Variants in ROBO2 observed in about 807,000 individuals in gnomAD.
ROBO2 encodes roundabout guidance receptor 2.
Under a neutral mutation model 160.8 loss-of-function variants are expected in ROBO2, and 53 were observed. The ratio of observed to expected loss-of-function variants is 0.33; its 90% CI spans 0.26 to 0.41. ROBO2 has a LOEUF of 0.41. Ranked by LOEUF, ROBO2 falls within the 10% of genes least tolerant of loss-of-function variation. The probability of loss-of-function intolerance (pLI) is 1.00; values close to 1 mark genes in which losing one functional copy is unlikely to be tolerated. For synonymous variants in ROBO2, 664 were observed against 611.7 expected (o/e 1.09, Z -1.26); for missense variants, 1,577 against 1,722.4 (o/e 0.92, Z 1.49).
At chr3:77,027,501 T>C (rs1010477265) in intron 2 of ROBO2, among the ~76,000 whole-genome samples, 3 of 152,204 alleles carry the variant, frequency 2.0e-5, no homozygotes. Flanking sequence ...AATTGGGCAA[T>C]CAATGTAAAA....
At chr3:76,948,922 T>A (rs1432440753) in intron 2 of ROBO2, among the ~76,000 whole-genome samples, 2 of 123,378 alleles carry the variant, frequency 1.6e-5, no homozygotes, top group African/African-American at 7.0e-5. Flanking sequence ...TTTTTTTTTT[T>A]TTTTTTTTAG....
chr3:77,642,229 G>C (rs1165826555), intron 24 of ROBO2, among the ~76,000 whole-genome samples: 2 of 152,144 alleles, frequency 1.3e-5, no homozygotes, highest in Admixed American at 1.3e-4. Context: ...AATTTCCCGA[G>C]GGTGACATTC....
intron 2 of ROBO2, among the ~76,000 whole-genome samples, chr3:76,921,210 G>A (rs1379174121): frequency 6.6e-6 from 1 of 152,102 alleles, no homozygotes; most frequent in Non-Finnish European, 1.5e-5. Context: ...GATTTAGGAT[G>A]TATTACAGTT....
At chr3:76,179,868 G>A (rs1181937975) in intron 2 of ROBO2, among the ~76,000 whole-genome samples, 1 of 152,084 alleles carries the variant, frequency 6.6e-6, no homozygotes, top group Admixed American at 6.6e-5. Context: ...TTATAAAGTG[G>A]TGACTTCCAA....
At chr3:77,515,234 C>T (rs996946476) in intron 5 of ROBO2, among the ~76,000 whole-genome samples, 2 of 151,604 alleles carry the variant, frequency 1.3e-5, no homozygotes, top group South Asian at 2.1e-4. Context: ...TTGAGTCTTC[C>T]GGGATTTTTG....
intron 2 of ROBO2, among the ~76,000 whole-genome samples, chr3:76,634,371 C>A (rs1488188415): frequency 6.6e-6 from 1 of 152,100 alleles, no homozygotes; most frequent in African/African-American, 2.4e-5. Flanking sequence ...AGTTCCAGAC[C>A]AGCCTGGCCA....
chr3:77,016,392 A>G (rs908921435), intron 2 of ROBO2, among the ~76,000 whole-genome samples: 1 of 152,162 alleles, frequency 6.6e-6, no homozygotes, highest in African/African-American at 2.4e-5. Context: ...CCATTAAAGA[A>G]CAAAAACAAA....
At chr3:76,999,047 G>T (rs2061191235) in intron 2 of ROBO2, among the ~76,000 whole-genome samples, 1 of 151,950 alleles carries the variant, frequency 6.6e-6, no homozygotes, top group Non-Finnish European at 1.5e-5. Flanking sequence ...TCCCAAATTA[G>T]TCCAAATCCA....
chr3:76,990,817 T>A (rs369505828), intron 2 of ROBO2, among the ~76,000 whole-genome samples: 12 of 152,138 alleles, frequency 7.9e-5, no homozygotes, highest in African/African-American at 2.9e-4. Context: ...TGAGTTTAAC[T>A]GGTATGTGAC....
At chr3:77,605,248 C>A (rs2094504603) in intron 20 of ROBO2, among the ~76,000 whole-genome samples, 1 of 151,068 alleles carries the variant, frequency 6.6e-6, no homozygotes, top group Non-Finnish European at 1.5e-5. Flanking sequence ...ATATGTAAGT[C>A]ATTAAAATAT....
intron 16 of ROBO2, among the ~76,000 whole-genome samples, 199 bp downstream of exon 17, chr3:77,580,317 A>G (rs1333465033): frequency 6.6e-6 from 1 of 152,204 alleles, no homozygotes; most frequent in African/African-American, 2.4e-5. Context: ...AAAGTCCCAG[A>G]GCCTTATTAA....
intron 2 of ROBO2, among the ~76,000 whole-genome samples, chr3:76,969,231 TA>T (rs1230600519): frequency 6.6e-6 from 1 of 152,130 alleles, no homozygotes; most frequent in African/African-American, 2.4e-5. Flanking sequence ...TGTGTTAATA[TA>T]AAAAAAGTTA....
intron 21 of ROBO2, among the ~76,000 whole-genome samples, chr3:77,614,098 T>G (rs1267149800): frequency 1.3e-5 from 2 of 152,228 alleles, no homozygotes; most frequent in African/African-American, 4.8e-5. Context: ...AAAGGTAGAT[T>G]GCGGCTTAGA....
chr3:77,061,209 G>C (rs1385408608), intron 1 of ROBO2, among the ~76,000 whole-genome samples: 1 of 152,144 alleles, frequency 6.6e-6, no homozygotes, highest in Non-Finnish European at 1.5e-5. Context: ...GACGGAAGCA[G>C]ATAAGTTGTT....
At chr3:77,194,704 T>C (rs1048087032) in intron 2 of ROBO2, among the ~76,000 whole-genome samples, 1 of 152,214 alleles carries the variant, frequency 6.6e-6, no homozygotes, top group Non-Finnish European at 1.5e-5. Flanking sequence ...TAGTTTATTC[T>C]GTCTTTGACC....
rs145256082 is a variant in ROBO2, at chr3:77,511,516, G to A, written c.807-11259G>A. Among the ~76,000 whole-genome samples the A allele has an allele frequency of 4.8e-3, 730 of 152,028 alleles. 3 individuals are homozygous for A. Among genetic ancestry groups the A allele is most frequent in the East Asian group, 0.013 (66 of 5,132 alleles). ...ATTAAATCAACTATTGTCCTGTTGC[G>A]GTGAACATCTTTTTTGTTTGTATGT... On this transcript the variant is annotated intron_variant, in intron 5 of 25. Coordinates refer to ENST00000461745, the Ensembl canonical transcript of ROBO2.
Position 77,148,544 on chromosome 3 carries a change from C to T in ROBO2, c.388+50204C>T, listed in dbSNP as rs115408162. Among the ~76,000 whole-genome samples the T allele has an allele frequency of 7.8e-3, 1,188 of 152,272 alleles. 17 individuals carry two copies. The highest frequency in any genetic ancestry group is 0.027 in the African/African-American group (1,131 of 41,544). On this transcript the variant is annotated intron_variant, in intron 2 of 25. Transcript: ENST00000461745. The stretch of plus-strand genomic sequence containing the variant: ...AAAAAGAACTATTGTGTATTCAGTT[C>T]TCATGTTCCCATTCCTTAATCAACA...
At chr3:76,129,920 A>G (rs1460563955) in intron 2 of ROBO2, among the ~76,000 whole-genome samples, 1 of 152,056 alleles carries the variant, frequency 6.6e-6, no homozygotes, top group Non-Finnish European at 1.5e-5. Flanking sequence ...GTTTTCTCTC[A>G]TGCTGAATCA....
chr3:77,011,067 T>TTCTTTCTTTC (rs2061878789), intron 2 of ROBO2, among the ~76,000 whole-genome samples: 2 of 130,454 alleles, frequency 1.5e-5, no homozygotes, highest in African/African-American at 6.7e-5. Context: ...CTTTCTTTCT[T>TTCTTTCTTTC]TCTTTCTTTC....
Sources: gnomAD v4.1 joint callset for allele counts (sites outside exome capture counted in the v4.1 genomes callset) on GRCh38, gnomAD v4.1.1 for gene constraint, MANE v1.5 for transcripts, NCBI Gene and HGNC (gene_info 2026-07-23, HGNC 2026-07-21) for gene names.